Variants in FOXK2 observed in about 807,000 individuals in gnomAD.
FOXK2 encodes forkhead box K2, also known as forkhead box protein K2.
Under a neutral mutation model 53.3 loss-of-function variants are expected in FOXK2, and 24 were observed. The ratio of observed to expected loss-of-function variants is 0.45; its 90% confidence interval spans 0.33 to 0.63. The LOEUF (loss-of-function observed/expected upper bound fraction) is 0.63, where lower values mean the gene tolerates loss of function less well. Among genes scored for constraint, FOXK2 ranks in the 30% least tolerant of loss-of-function variants. FOXK2 has a pLI of 0.03. For missense variants in FOXK2, 952 were observed against 910.5 expected, an observed-to-expected ratio of 1.05 and a Z score of -0.59; for synonymous variants, 505 against 407.1, an observed-to-expected ratio of 1.24 and a Z score of -2.89.
chr17:82,566,055 G>T (rs2044847877), intron 2 of FOXK2, among the ~76,000 whole-genome samples: 1 of 151,656 alleles, frequency 6.6e-6, no homozygotes, highest in African/African-American at 2.4e-5. Context: ...TGGAGAGGTG[G>T]CCAGGGGCTG....
chr17:82,599,645 C>A (rs951219979), intron 8 of FOXK2: 3 of 152,276 alleles, frequency 2.0e-5, no homozygotes, highest in African/African-American at 7.2e-5. Context: ...CCAGTGTTGA[C>A]TCCCGCTCTT....
At chr17:82,591,228 G>T (rs1024075735) in intron 8 of FOXK2, among the ~76,000 whole-genome samples, 3 of 152,258 alleles carry the variant, frequency 2.0e-5, no homozygotes, top group South Asian at 2.1e-4. Context: ...TGACTCTGGG[G>T]TTGTCGCTCC....
intron 1 of FOXK2, among the ~76,000 whole-genome samples, chr17:82,536,041 A>AT (rs112946952): frequency 2.7e-5 from 4 of 150,790 alleles, no homozygotes; most frequent in East Asian, 2.0e-4. Context: ...CGTGCCTGGC[A>AT]TTTTTTTTGT....
In FOXK2 at chr17:82,601,264, G is replaced by GT. The variant is rs746755681; in HGVS notation, c.1787-38dup. On this transcript the variant is annotated intron_variant, in intron 8 of 8. Transcript: ENST00000335255. ...GGGGTTCTGAGTCGCGAGGGTTCAC[G>GT]TGAGAGCGTGGGGTTCTGACTCCCT... is the stretch of plus-strand genomic sequence containing the variant. The GT allele has an allele frequency of 3.8e-6, 6 of 1,589,220 alleles. No individual in the cohort carries two copies. The Admixed American group carries it at 1.0e-4, about 27-fold the overall frequency.
chr17:82,549,985 T>A (rs2044660871), intron 1 of FOXK2, among the ~76,000 whole-genome samples: 1 of 152,132 alleles, frequency 6.6e-6, no homozygotes, highest in Non-Finnish European at 1.5e-5. Flanking sequence ...GGTGCATCAC[T>A]TGAGCCCAGG....
chr17:82,549,781 T>A (rs554271901), intron 1 of FOXK2, among the ~76,000 whole-genome samples: 1 of 151,266 alleles, frequency 6.6e-6, no homozygotes, highest in Non-Finnish European at 1.5e-5. Context: ...CTCCCTGATA[T>A]GTGCCTACAG....
At chr17:82,580,305 A>G (rs1223414341) in intron 4 of FOXK2, among the ~76,000 whole-genome samples, 10 of 99,192 alleles carry the variant, frequency 1.0e-4, no homozygotes, top group East Asian at 3.5e-4. Context: ...TCTCCATGTC[A>G]CCCATGAAGT....
At chr17:82,582,430 C>A (rs2045074848) in intron 4 of FOXK2, among the ~76,000 whole-genome samples, 2 of 152,184 alleles carry the variant, frequency 1.3e-5, no homozygotes, top group African/African-American at 4.8e-5. Context: ...GCTGCTACTT[C>A]CCTTGAGAAT....
intron 3 of FOXK2, among the ~76,000 whole-genome samples, chr17:82,569,960 G>A (rs1055837150): frequency 1.0e-4 from 15 of 148,506 alleles, no homozygotes; most frequent in Non-Finnish European, 1.8e-4. Flanking sequence ...AGTGGCTCAC[G>A]CCTGTAATCC....
rs199704054 is a variant in FOXK2 at position 82,601,388 on chromosome 17, G to A, written c.1872G>A (p.Pro624=). 8.1e-6 allele frequency: 13 copies of A among 1,613,188 alleles called. No homozygotes were observed. Among genetic ancestry groups the A allele is most frequent in the East Asian group, 6.7e-5 (3 of 44,884 alleles). ...LPTKRHNGDQ[P]EQPELKRIKT... ...CAAAGCGCCACAACGGTGACCAGCCGGAGCAGCCGGAGCTGAAGCGGATCA... is the reference window on the plus strand; with the variant it reads ...CAAAGCGCCACAACGGTGACCAGCCAGAGCAGCCGGAGCTGAAGCGGATCA... Residue 624 remains proline (P), a synonymous_variant, in exon 9 of 9, where the codon CCG becomes CCA. Transcript: ENST00000335255.
In FOXK2 at chr17:82,520,017, C is replaced by G; in HGVS notation, c.129C>G (p.Arg43=). 1 of 1,476,808 alleles carries G rather than the reference C, an allele frequency of 6.8e-7. No homozygotes were observed. Among genetic ancestry groups the G allele is most frequent in the African/African-American group, 1.5e-5 (1 of 68,798 alleles). The allele number at this position is 1,476,808 out of a possible 1,614,324, so 91.5% of individuals were successfully genotyped here. Residue 43 remains arginine, a synonymous_variant, in exon 1 of 9, where the codon CGC becomes CGG. Coordinates refer to ENST00000335255, the MANE Select transcript of FOXK2 (RefSeq NM_004514.4). Reference sequence around the variant, plus strand: ...GGGCCGTGGCGCGCCTGGAGGGCCGCGAGTTCGAGTATCTGATGAAGAAGC... The same window carrying G: ...GGGCCGTGGCGCGCCTGGAGGGCCGGGAGTTCGAGTATCTGATGAAGAAGC... ...GGWAVARLEG[R]EFEYLMKKRS... is the part of the protein sequence containing the mutation.
chr17:82,555,656 G>A (rs1252324030), intron 1 of FOXK2, among the ~76,000 whole-genome samples: 4 of 151,294 alleles, frequency 2.6e-5, no homozygotes, highest in South Asian at 4.2e-4. Context: ...AGGCTGAGGC[G>A]GGCGGATCAC....
chr17:82,549,245 C>A (rs2044653932), intron 1 of FOXK2, among the ~76,000 whole-genome samples: 1 of 152,244 alleles, frequency 6.6e-6, no homozygotes, highest in Non-Finnish European at 1.5e-5. Context: ...TTTACCCCAA[C>A]ACCAAGTTGC....
intron 1 of FOXK2, among the ~76,000 whole-genome samples, chr17:82,552,663 C>T (rs2044687922): frequency 6.6e-6 from 1 of 152,166 alleles, no homozygotes; most frequent in Non-Finnish European, 1.5e-5. Context: ...TTACCTTTGG[C>T]AGGAACTCTA....
chr17:82,558,586 T>C (rs1212498626), intron 1 of FOXK2, among the ~76,000 whole-genome samples: 1 of 152,182 alleles, frequency 6.6e-6, no homozygotes, highest in Non-Finnish European at 1.5e-5. Flanking sequence ...ATCGCCTCTT[T>C]CCCTGTTGGA....
At position 82,542,208 on chromosome 17, in the gene FOXK2, C is replaced by T. The variant is rs139923818; in HGVS notation, c.420-21146C>T. 8.8e-3 allele frequency among the ~76,000 whole-genome samples: 1,326 copies of T among 149,874 alleles called. 14 individuals carry two copies. The highest frequency in any genetic ancestry group is 0.011 in the Non-Finnish European group (718 of 67,668). On this transcript the variant is annotated intron_variant, in intron 1 of 8. Coordinates refer to ENST00000335255, the MANE Select transcript of FOXK2 (RefSeq NM_004514.4). ...GACAGTTTCGTTCTTGTCGCCCAGG[C>T]TGGAGTGCAATGGTGCGATCTCGGC...
intron 8 of FOXK2, 174 bp downstream of exon 8, chr17:82,587,446 C>G (rs968796682): frequency 3.2e-6 from 2 of 632,826 alleles, no homozygotes; most frequent in South Asian, 1.8e-5. Flanking sequence ...TGGAGTCGGC[C>G]GTCATGGGAT....
chr17:82,590,196 G>C (rs2045239196), intron 8 of FOXK2, among the ~76,000 whole-genome samples: 1 of 152,188 alleles, frequency 6.6e-6, no homozygotes, highest in Non-Finnish European at 1.5e-5. Context: ...TTTAAGAAAA[G>C]ACTTCAGGAC....
chr17:82,534,659 A>G (rs2044503810), intron 1 of FOXK2, among the ~76,000 whole-genome samples: 1 of 152,178 alleles, frequency 6.6e-6, no homozygotes, highest in African/African-American at 2.4e-5. Context: ...CCTTCTCACC[A>G]CACACTTCAG....
Sources: gnomAD v4.1 joint callset for allele counts (sites outside exome capture counted in the v4.1 genomes callset) on GRCh38, gnomAD v4.1.1 for gene constraint, MANE v1.5 for transcripts, NCBI Gene and HGNC (gene_info 2026-07-23, HGNC 2026-07-21) for gene names.